RANBP2: variants seen among roughly 807,000 people sequenced by gnomAD.
The protein encoded by RANBP2 is RAN binding protein 2.
Under a neutral mutation model 303.6 loss-of-function variants are expected in RANBP2, and 57 were observed. The observed-to-expected ratio is 0.19, with a 90% CI of 0.15 to 0.23. The LOEUF (loss-of-function observed/expected upper bound fraction) is 0.23. RANBP2 is among the 10% of genes least tolerant of loss of function. RANBP2 has a pLI of 1.00. For missense variants in RANBP2, 3,138 were observed against 3,780.8 expected (o/e 0.83, Z 4.46); for synonymous variants, 1,167 against 1,301.5 (o/e 0.90, Z 2.23).
the RANBP2 span, among the ~76,000 whole-genome samples, chr2:109,187,310 A>C: frequency 6.6e-6 from 1 of 152,046 alleles, no homozygotes; most frequent in Non-Finnish European, 1.5e-5. Context: ...TTTTCTGTTT[A>C]GTCTGAATTA....
chr2:109,614,395 C>A, the RANBP2 span: 1 of 984,386 alleles, frequency 1.0e-6, no homozygotes, highest in Non-Finnish European at 1.3e-6. Flanking sequence ...GCTGAGCCCG[C>A]CAGACTCCGC....
the RANBP2 span, among the ~76,000 whole-genome samples, chr2:109,385,338 C>T: frequency 0.012 from 1,787 of 152,332 alleles, 28 homozygotes; most frequent in African/African-American, 0.041. Context: ...AGTTTGGGGG[C>T]CCTGCACAAC....
chr2:108,977,244 C>T, the RANBP2 span, among the ~76,000 whole-genome samples: 86 of 152,244 alleles, frequency 5.6e-4, no homozygotes, highest in African/African-American at 1.9e-3. Flanking sequence ...GATCTGGTGG[C>T]CTCTCAGCTT....
chr2:109,522,633 T>C, the RANBP2 span, among the ~76,000 whole-genome samples: 2 of 150,644 alleles, frequency 1.3e-5, no homozygotes, highest in East Asian at 2.0e-4. Flanking sequence ...CTCAAACTCC[T>C]GAGCTCAAGC....
At chr2:109,355,743 A>T in the RANBP2 span, among the ~76,000 whole-genome samples, 1 of 152,136 alleles carries the variant, frequency 6.6e-6, no homozygotes, top group Non-Finnish European at 1.5e-5. Context: ...CAGCAACTTA[A>T]CACGCAGGTC....
At chr2:109,694,028 T>A in the RANBP2 span, among the ~76,000 whole-genome samples, 1 of 152,206 alleles carries the variant, frequency 6.6e-6, no homozygotes, top group Non-Finnish European at 1.5e-5. Flanking sequence ...TGTGTGTGCA[T>A]GTGTGTGTCT....
the RANBP2 span, among the ~76,000 whole-genome samples, chr2:109,479,089 C>G: frequency 5.6e-4 from 85 of 152,260 alleles, 1 homozygote; most frequent in South Asian, 0.012. Context: ...GGCTGCAGGT[C>G]AGAGCACCAG....
the RANBP2 span, among the ~76,000 whole-genome samples, chr2:109,163,835 T>C: frequency 1.3e-5 from 2 of 152,222 alleles, no homozygotes; most frequent in African/African-American, 2.4e-5. Flanking sequence ...CAATGTGTTT[T>C]CCATGATCTC....
At chr2:109,078,155 G>GTA in the RANBP2 span, among the ~76,000 whole-genome samples, 22 of 92,990 alleles carry the variant, frequency 2.4e-4, no homozygotes, top group African/African-American at 6.5e-4. Context: ...TATATAGCAT[G>GTA]TATATATATA....
At chr2:109,282,309 A>C in the RANBP2 span, among the ~76,000 whole-genome samples, 1 of 152,100 alleles carries the variant, frequency 6.6e-6, no homozygotes, top group Admixed American at 6.5e-5. Context: ...CGTGTTCATA[A>C]TTGGTGCAAG....
At chr2:108,813,365 A>G in the RANBP2 span, among the ~76,000 whole-genome samples, 287 of 150,408 alleles carry the variant, frequency 1.9e-3, 2 homozygotes, top group African/African-American at 6.7e-3. Context: ...AATGTTTGCT[A>G]TGGAAGGGAT....
chr2:109,691,475 C>T, the RANBP2 span, among the ~76,000 whole-genome samples: 1 of 152,120 alleles, frequency 6.6e-6, no homozygotes, highest in African/African-American at 2.4e-5. Flanking sequence ...TGGATCCAAG[C>T]AGGAACTCCC....
chr2:109,101,166 G>A, the RANBP2 span, among the ~76,000 whole-genome samples: 1 of 152,208 alleles, frequency 6.6e-6, no homozygotes. Context: ...TCCATACTAG[G>A]CGCTCTCTTG....
At chr2:109,347,693 A>G in the RANBP2 span, 41 of 1,613,484 alleles carry the variant, frequency 2.5e-5, no homozygotes, top group East Asian at 4.9e-4. Context: ...CTGCTTCCCT[A>G]TGGCAAGGCC....
At chr2:108,932,638 A>G in the RANBP2 span, among the ~76,000 whole-genome samples, 1 of 151,970 alleles carries the variant, frequency 6.6e-6, no homozygotes. Flanking sequence ...GCAAAAGACC[A>G]AGGGCCCTGT....
the RANBP2 span, among the ~76,000 whole-genome samples, chr2:109,586,405 CTT>C: frequency 6.6e-6 from 1 of 151,228 alleles, no homozygotes; most frequent in African/African-American, 2.4e-5. Context: ...GTTTATCTAG[CTT>C]TTTCCCTGAA....
chr2:109,066,451 G>A, the RANBP2 span, among the ~76,000 whole-genome samples: 11 of 152,152 alleles, frequency 7.2e-5, no homozygotes, highest in Admixed American at 3.9e-4. Flanking sequence ...TCCACACCTC[G>A]CCACGCAAAC....
At chr2:109,010,043 T>C in the RANBP2 span, among the ~76,000 whole-genome samples, 9 of 152,118 alleles carry the variant, frequency 5.9e-5, no homozygotes, top group Non-Finnish European at 1.2e-4. Flanking sequence ...TATTTAACAG[T>C]TCTTCTAAGT....
the RANBP2 span, among the ~76,000 whole-genome samples, chr2:109,458,402 C>G: frequency 6.6e-6 from 1 of 152,122 alleles, no homozygotes; most frequent in African/African-American, 2.4e-5. Flanking sequence ...CCTTCTAACT[C>G]TTATTTATTC....
Sources: allele counts gnomAD v4.1 joint callset (sites outside exome capture counted in the v4.1 genomes callset), GRCh38; gene constraint gnomAD v4.1.1; transcripts MANE v1.5; gene names NCBI Gene and HGNC (gene_info 2026-07-23, HGNC 2026-07-21).